The following FREM3 variants were observed in gnomAD, a reference collection of about 807,000 sequenced individuals.
FREM3 encodes FRAS1 related extracellular matrix 3.
Under a neutral mutation model 129.1 loss-of-function variants are expected in FREM3, and 105 were observed. The observed-to-expected ratio is 0.81, with a 90% CI of 0.69 to 0.96. The LOEUF (loss-of-function observed/expected upper bound fraction) is 0.96. FREM3 is among the 40% of genes least tolerant of loss of function. The probability of loss-of-function intolerance (pLI) is 0.00; values close to 1 mark genes in which losing one functional copy is unlikely to be tolerated. For missense variants in FREM3, 2,593 were observed against 2,666.3 expected, an observed-to-expected ratio of 0.97 and a Z score of 0.61; for synonymous variants, 1,014 against 1,044.9, an observed-to-expected ratio of 0.97 and a Z score of 0.57.
chr4:143,627,796 A>G, intron 2 of FREM3, 36 bp from the exon 3 acceptor site: 1 of 1,439,186 alleles, frequency 6.9e-7, no homozygotes, highest in Middle Eastern at 1.7e-4. Flanking sequence ...AGTCAGCTGG[A>G]GTATTTGATG....
chr4:143,689,317 C>G (rs1290547963), intron 2 of FREM3, among the ~76,000 whole-genome samples: 1 of 151,840 alleles, frequency 6.6e-6, no homozygotes, highest in Non-Finnish European at 1.5e-5. Flanking sequence ...AAATCAAGAC[C>G]GCAATGAGAT....
chr4:143,621,899 A>G (rs1368719284), intron 4 of FREM3, among the ~76,000 whole-genome samples: 3 of 152,178 alleles, frequency 2.0e-5, no homozygotes, highest in Non-Finnish European at 4.4e-5. Flanking sequence ...GCACTGTGCA[A>G]TTAAAATATA....
chr4:143,612,607 AC>A (rs1430417644), intron 5 of FREM3, among the ~76,000 whole-genome samples: 1 of 152,176 alleles, frequency 6.6e-6, no homozygotes, highest in Non-Finnish European at 1.5e-5. Context: ...AATAGCAATA[AC>A]CACAATTACT....
chr4:143,654,703 A>G (rs530656161), intron 2 of FREM3, among the ~76,000 whole-genome samples: 81 of 152,278 alleles, frequency 5.3e-4, no homozygotes, highest in Non-Finnish European at 9.3e-4. Context: ...TTCCTAAGCA[A>G]CTCTGAATAA....
At chr4:143,623,841 C>T (rs568819740) in intron 4 of FREM3, among the ~76,000 whole-genome samples, 8 of 152,180 alleles carry the variant, frequency 5.3e-5, no homozygotes, top group Non-Finnish European at 1.0e-4. Flanking sequence ...GTACCTATGG[C>T]GTGCAGAAAG....
chr4:143,660,010 A>C (rs1225215794), intron 2 of FREM3, among the ~76,000 whole-genome samples: 5 of 148,414 alleles, frequency 3.4e-5, no homozygotes, highest in African/African-American at 7.5e-5. Flanking sequence ...AGGTTGTGAA[A>C]ATTTTCTCCC....
chr4:143,577,550 T>A lies in FREM3; in HGVS notation c.*61A>T. The A allele has an allele frequency of 6.9e-7, 1 of 1,444,308 alleles. No individual in the cohort carries two copies. The highest frequency in any genetic ancestry group is 9.3e-7 in the Non-Finnish European group (1 of 1,080,880). The allele number at this position is 1,444,308 out of a possible 1,614,324, so 89.5% of individuals were successfully genotyped here. Reference sequence around the variant, plus strand: ...CAGAATTGCTAAGATCTATAAACAGTAGAGTTTCATTCTGTTGTTAGGAGA... The same window carrying A: ...CAGAATTGCTAAGATCTATAAACAGAAGAGTTTCATTCTGTTGTTAGGAGA... On this transcript the variant is annotated 3_prime_UTR_variant, in exon 8 of 8. Transcript: ENST00000329798.
chr4:143,590,129 G>A (rs1259633172), intron 6 of FREM3, among the ~76,000 whole-genome samples: 2 of 152,118 alleles, frequency 1.3e-5, no homozygotes, highest in East Asian at 3.8e-4. Context: ...AGCTTAAGGA[G>A]ATTTTGGGCT....
At chr4:143,673,280 T>C (rs1282122045) in intron 2 of FREM3, among the ~76,000 whole-genome samples, 1 of 152,256 alleles carries the variant, frequency 6.6e-6, no homozygotes, top group African/African-American at 2.4e-5. Flanking sequence ...GGTGTGGATG[T>C]CCTTCCTGTT....
At chr4:143,615,546 C>T (rs1238537818) in intron 5 of FREM3, among the ~76,000 whole-genome samples, 3 of 151,934 alleles carry the variant, frequency 2.0e-5, no homozygotes, top group East Asian at 3.9e-4. Flanking sequence ...AGCATGGGAG[C>T]GTCTATCTAG....
intron 2 of FREM3, among the ~76,000 whole-genome samples, chr4:143,642,495 C>T (rs188014337): frequency 2.6e-5 from 4 of 152,198 alleles, no homozygotes; most frequent in Admixed American, 6.5e-5. Flanking sequence ...GCACCTGCAG[C>T]CAACTTATTT....
At chr4:143,599,636 G>A (rs1738538932) in intron 6 of FREM3, among the ~76,000 whole-genome samples, 1 of 152,152 alleles carries the variant, frequency 6.6e-6, no homozygotes, top group African/African-American at 2.4e-5. Context: ...TCAACCACTT[G>A]GCAAGGCATG....
intron 7 of FREM3, among the ~76,000 whole-genome samples, chr4:143,582,593 A>T (rs1473538330): frequency 6.6e-6 from 1 of 152,168 alleles, no homozygotes; most frequent in Non-Finnish European, 1.5e-5. Flanking sequence ...AACTCTGGCA[A>T]TTCAAAAAGC....
chr4:143,651,935 G>T (rs1739518135), intron 2 of FREM3, among the ~76,000 whole-genome samples: 2 of 152,062 alleles, frequency 1.3e-5, no homozygotes, highest in Non-Finnish European at 2.9e-5. Context: ...TCTTGGAGCT[G>T]CATTTTTTGT....
intron 4 of FREM3, 46 bp from the exon 5 acceptor site, chr4:143,621,208 C>A: frequency 6.6e-7 from 1 of 1,526,384 alleles, no homozygotes; most frequent in South Asian, 1.2e-5. Flanking sequence ...TAGATTTGAT[C>A]GGTGATATTT....
At chr4:143,634,703 A>G (rs931510237) in intron 2 of FREM3, among the ~76,000 whole-genome samples, 1 of 139,598 alleles carries the variant, frequency 7.2e-6, no homozygotes, top group Non-Finnish European at 1.5e-5. Context: ...GAAATATTAG[A>G]AAGGGAGAAG....
chr4:143,677,871 A>G (rs1189825095), intron 2 of FREM3, among the ~76,000 whole-genome samples: 1 of 152,240 alleles, frequency 6.6e-6, no homozygotes, highest in African/African-American at 2.4e-5. Flanking sequence ...AATGGCTATC[A>G]TTAAAAAGTC....
chr4:143,591,750 T>C (rs1399508245), intron 6 of FREM3, among the ~76,000 whole-genome samples: 1 of 152,208 alleles, frequency 6.6e-6, no homozygotes, highest in African/African-American at 2.4e-5. Flanking sequence ...TAGATGTCTA[T>C]GAGGTCCACT....
Position 143,700,163 on chromosome 4 carries a change from C to T in FREM3, c.513G>A (p.Thr171=), listed in dbSNP as rs751138897. ...DLVFSQLELV[T]RNRPLVVEKL... ...TCTCCACTACCAAAGGCCTGTTACG[C>T]GTCACCAGCTCCAGCTGGGAGAAGA... The change falls in exon 1 of 8, where the codon ACG becomes ACA. Residue 171 remains threonine (T), a synonymous_variant. Coordinates refer to ENST00000329798, the MANE Select transcript of FREM3 (RefSeq NM_001168235.2). The T allele has an allele frequency of 2.9e-5, 44 of 1,537,044 alleles. No homozygotes were observed. The highest frequency in any genetic ancestry group is 3.7e-5 in the Non-Finnish European group (42 of 1,146,906).
Sources: gnomAD v4.1 joint callset for allele counts (sites outside exome capture counted in the v4.1 genomes callset) on GRCh38, gnomAD v4.1.1 for gene constraint, MANE v1.5 for transcripts, NCBI Gene and HGNC (gene_info 2026-07-23, HGNC 2026-07-21) for gene names.